CHL1: variants seen among roughly 807,000 people sequenced by gnomAD.
CHL1 encodes cell adhesion molecule L1 like, also known as neural cell adhesion molecule L1-like protein.
Under a neutral mutation model 141.9 loss-of-function variants are expected in CHL1, and 96 were observed. The ratio of observed to expected loss-of-function variants is 0.68; its 90% CI spans 0.57 to 0.80. The LOEUF is 0.80. CHL1 is among the 30% of genes least tolerant of loss of function. The pLI, the probability that CHL1 is intolerant of heterozygous loss-of-function variation, is 0.00. For missense variants in CHL1, 1,820 were observed against 1,457.2 expected (o/e 1.25, Z -4.05); for synonymous variants, 613 against 502.2 (o/e 1.22, Z -2.95).
intron 1 of CHL1, among the ~76,000 whole-genome samples, chr3:233,666 G>T (rs547686148): frequency 5.3e-5 from 8 of 151,960 alleles, no homozygotes; most frequent in Non-Finnish European, 8.8e-5. Flanking sequence ...GCAAAATTAA[G>T]CTCACATTCT....
At position 327,023 on chromosome 3, in the gene CHL1, A is replaced by C. The variant is rs180697580; in HGVS notation, c.197+959A>C. ...AGGATAATTTATTCAATCAATATGG[A>C]TATATTGATCAATATCATGATATAT... On this transcript the variant is annotated intron_variant, in intron 4 of 27. Transcript: ENST00000256509. Among the ~76,000 whole-genome samples, 13 of 152,068 alleles carry C rather than the reference A, an allele frequency of 8.5e-5. 1 individual carries two copies. In the East Asian group the frequency reaches 2.3e-3, roughly 27 times the overall value.
rs994334311 is a variant in CHL1 at position 389,193 on chromosome 3, A to G, written c.2248-59A>G. The G allele has an allele frequency of 1.5e-5, 21 of 1,384,386 alleles. No individual in the cohort carries two copies. The Admixed American group carries it at 3.0e-4, about 20-fold the overall frequency. 85.8% of individuals were successfully genotyped at this position (1,384,386 alleles called of 1,614,324 possible). On this transcript the variant is annotated intron_variant, in intron 19 of 27. Coordinates refer to ENST00000256509, the MANE Select transcript of CHL1 (RefSeq NM_006614.4). ...CTTATTCCACTTAGGGTGGTTCACCATCATCTCTGAGTCAACACATCTGTG... is the reference window on the plus strand; with the variant it reads ...CTTATTCCACTTAGGGTGGTTCACCGTCATCTCTGAGTCAACACATCTGTG...
chr3:342,942 A>T (rs763350365), intron 7 of CHL1, 42 bp from the exon 8 acceptor site: 10 of 1,507,372 alleles, frequency 6.6e-6, no homozygotes, highest in Non-Finnish European at 9.1e-6. Context: ...ATCAGCATCC[A>T]CCATTATGTT....
At chr3:270,861 C>A (rs981566492) in intron 2 of CHL1, among the ~76,000 whole-genome samples, 1 of 152,212 alleles carries the variant, frequency 6.6e-6, no homozygotes, top group African/African-American at 2.4e-5. Context: ...CTTGAGGGTG[C>A]ACACATGTGT....
intron 3 of CHL1, 98 bp from the exon 4 acceptor site, chr3:325,861 T>A (rs1461294152): frequency 3.0e-6 from 2 of 669,030 alleles, no homozygotes. Flanking sequence ...ATCCTTTCAC[T>A]TATCAGTATA....
intron 11 of CHL1, among the ~76,000 whole-genome samples, chr3:355,606 C>A (rs1342569135): frequency 6.6e-6 from 1 of 152,188 alleles, no homozygotes; most frequent in African/African-American, 2.4e-5. Flanking sequence ...TGCTCTGGGG[C>A]CTGCACAAGT....
rs141003702 is a variant in CHL1 at position 337,657 on chromosome 3, G to A, written c.386-3137G>A. On this transcript the variant is annotated intron_variant, in intron 5 of 27. Coordinates refer to ENST00000256509, the MANE Select transcript of CHL1 (RefSeq NM_006614.4). ...TTGCGATAATTTGCTGATAATGATG[G>A]TTTTCAGCTTCAACCATGTCCCTAC... 4.1e-3 allele frequency among the ~76,000 whole-genome samples: 627 copies of A among 152,032 alleles called. 4 individuals are homozygous for A. Among genetic ancestry groups the A allele is most frequent in the African/African-American group, 0.014 (586 of 41,448 alleles).
intron 1 of CHL1, among the ~76,000 whole-genome samples, chr3:228,078 AATG>A: frequency 6.6e-6 from 1 of 152,176 alleles, no homozygotes; most frequent in East Asian, 1.9e-4. Flanking sequence ...AACACTGCCT[AATG>A]GAATTGATCT....
Position 398,446 on chromosome 3 carries a change from G to C in CHL1, c.3253+61G>C. On this transcript the variant is annotated intron_variant, in intron 25 of 27. Transcript: ENST00000256509. ...CAATCTATGTCCTGTAGAATACTTA[G>C]TGTTGCCTGTGTCCTATATTAAACA... 3.9e-6 allele frequency: 4 copies of C among 1,016,472 alleles called. 1 individual carries two copies. In the South Asian group the frequency reaches 6.7e-5, roughly 17 times the overall value. The allele number at this position is 1,016,472 out of a possible 1,614,324, so 63.0% of individuals were successfully genotyped here. A position where few individuals can be genotyped will look rare whatever the true frequency, so the allele number is the denominator to read the frequency against.
In CHL1 at chr3:405,957, C is replaced by T; in HGVS notation, c.*246C>T. On this transcript the variant is annotated 3_prime_UTR_variant, in exon 28 of 28. Transcript: ENST00000256509. ...CAAAATGCAAAACACAAAACAAATC[C>T]TGCATTTAGATACACCTCAACTAAA... The T allele has an allele frequency of 2.4e-6, 1 of 418,148 alleles. No individual in the cohort carries two copies. Among genetic ancestry groups the T allele is most frequent in the South Asian group, 2.6e-5 (1 of 38,864 alleles). 25.9% of individuals were successfully genotyped at this position (418,148 alleles called of 1,614,324 possible).
intron 2 of CHL1, among the ~76,000 whole-genome samples, chr3:286,556 A>C (rs1024199764): frequency 6.7e-5 from 10 of 149,248 alleles, no homozygotes; most frequent in African/African-American, 2.5e-4. Flanking sequence ...GGTTGCAGTG[A>C]GCCGAGATTG....
chr3:281,663 G>T lies in CHL1; in HGVS notation c.-95+36971G>T, dbSNP rs142142566. On this transcript the variant is annotated intron_variant, in intron 2 of 27. Coordinates refer to ENST00000256509, the MANE Select transcript of CHL1 (RefSeq NM_006614.4). The stretch of plus-strand genomic sequence containing the variant: ...CAACCTCTGTCTCCTGGGTTCAAGC[G>T]ATTCTCATGCCTCAGCCCCCCAAAT... 8.1e-3 allele frequency among the ~76,000 whole-genome samples: 1,225 copies of T among 150,940 alleles called. 15 individuals are homozygous for T. The highest frequency in any genetic ancestry group is 0.029 in the African/African-American group (1,180 of 41,056).
intron 5 of CHL1, among the ~76,000 whole-genome samples, chr3:329,409 T>C (rs1701268224): frequency 6.6e-6 from 1 of 152,008 alleles, no homozygotes; most frequent in Admixed American, 6.6e-5. Flanking sequence ...AGAGAGGGCA[T>C]TGTATTTAAA....
At chr3:368,436 A>G (rs1705185844) in intron 15 of CHL1, among the ~76,000 whole-genome samples, 1 of 151,838 alleles carries the variant, frequency 6.6e-6, no homozygotes, top group African/African-American at 2.4e-5. Context: ...CCCATGTTTG[A>G]TGGGGTTGTT....
intron 1 of CHL1, among the ~76,000 whole-genome samples, chr3:237,416 A>G (rs904815704): frequency 2.0e-5 from 3 of 152,202 alleles, no homozygotes; most frequent in Non-Finnish European, 2.9e-5. Context: ...CAGTCTCAGG[A>G]AGTTCTTTGT....
At chr3:197,873 T>TA (rs1491265122) in intron 1 of CHL1, 4 of 80,864 alleles carry the variant, frequency 4.9e-5, no homozygotes, top group Non-Finnish European at 1.1e-4. Context: ...TTTCTCTCGC[T>TA]TTTTTTTTTT....
At position 282,933 on chromosome 3, in the gene CHL1, C is replaced by G. The variant is rs182715652; in HGVS notation, c.-94-36750C>G. ...AGAATACAGGGTCTTTCTAAGAAAA[C>G]AAAATACTTTGATTTTGTGTCCAGG... On this transcript the variant is annotated intron_variant, in intron 2 of 27. Transcript: ENST00000256509. 3 of 152,254 alleles carry G rather than the reference C, an allele frequency of 2.0e-5. No homozygotes were observed. The East Asian group carries it at 5.8e-4, about 29-fold the overall frequency. The allele number at this position is 152,254 out of a possible 1,614,324, so 9.4% of individuals were successfully genotyped here. A position where few individuals can be genotyped will look rare whatever the true frequency, so the allele number is the denominator to read the frequency against.
rs747467839 is a variant in CHL1, at chr3:340,827, C to G, written c.419C>G (p.Pro140Arg). ...VPKFPKEKID[P>R]LEVEEGDPIV... ...AAATTCCCAAAAGAAAAAATTGACC[C>G]TCTTGAAGTGGAGGAGGGAGATCCA... Residue 140 changes from proline to arginine, a missense_variant, in exon 6 of 28, where the codon CCT (proline) becomes CGT (arginine). Transcript: ENST00000256509. 2 of 1,612,122 alleles carry G rather than the reference C, an allele frequency of 1.2e-6. No homozygotes were observed. Among genetic ancestry groups the G allele is most frequent in the South Asian group, 1.1e-5 (1 of 90,916 alleles).
chr3:367,306 T>C (rs1273330120), intron 15 of CHL1, among the ~76,000 whole-genome samples: 2 of 152,154 alleles, frequency 1.3e-5, no homozygotes, highest in Non-Finnish European at 2.9e-5. Flanking sequence ...AATCTGAAAA[T>C]GTTTAGATAG....
Sources: gnomAD v4.1 joint callset for allele counts (sites outside exome capture counted in the v4.1 genomes callset) on GRCh38, gnomAD v4.1.1 for gene constraint, MANE v1.5 for transcripts, NCBI Gene and HGNC (gene_info 2026-07-23, HGNC 2026-07-21) for gene names.